The following SHANK1 variants were observed in gnomAD, a reference collection of about 807,000 sequenced individuals.
The protein encoded by SHANK1 is SH3 and multiple ankyrin repeat domains 1, also known as SH3 and multiple ankyrin repeat domains protein 1.
SHANK1 carries 35 observed loss-of-function variants against 165.6 expected under a neutral mutation model. The observed-to-expected ratio is 0.21, with a 90% CI of 0.16 to 0.28. SHANK1 has a LOEUF of 0.28. Among genes scored for constraint, SHANK1 ranks in the 10% least tolerant of loss-of-function variants. SHANK1 has a pLI of 1.00. For synonymous variants in SHANK1, 1,428 were observed against 1,384.8 expected (o/e 1.03, Z -0.69); for missense variants, 2,681 against 3,036.4 (o/e 0.88, Z 2.75).
chr19:50,689,534 C>T, intron 15 of SHANK1: 1 of 625,828 alleles, frequency 1.6e-6, no homozygotes, highest in Non-Finnish European at 2.8e-6. Flanking sequence ...ATCCACCCAT[C>T]CATTCAGCAC....
rs1251224153 is a variant in SHANK1, at chr19:50,666,183, C to T, written c.5768+9G>A. The T allele has an allele frequency of 5.7e-6, 9 of 1,573,756 alleles. No individual in the cohort carries two copies. The highest frequency in any genetic ancestry group is 1.3e-5 in the African/African-American group (1 of 74,192). ...TGGCCTCCCTTGTTGGCCACCAGCC[C>T]CCGCTTACCTCTGCCGCTGCAGGGA... On this transcript the variant is annotated intron_variant, in intron 23 of 23. Transcript: ENST00000293441.
At chr19:50,675,671 G>A (rs77375582) in intron 21 of SHANK1, among the ~76,000 whole-genome samples, 12,859 of 152,200 alleles carry the variant, frequency 0.084, 746 homozygotes, top group African/African-American at 0.15. Context: ...TGGTCAGATG[G>A]AGGTAAGAGG....
rs1599856814 is a variant in SHANK1, at chr19:50,689,507, C to CATCCA, written c.1965-233_1965-229dup. 20 of 669,982 alleles carry CATCCA rather than the reference C, an allele frequency of 3.0e-5. No homozygotes were observed. In the East Asian group the frequency reaches 5.1e-4, roughly 17 times the overall value. 41.5% of individuals were successfully genotyped at this position (669,982 alleles called of 1,614,324 possible). A position where few individuals can be genotyped will look rare whatever the true frequency, so the allele number is the denominator to read the frequency against. On this transcript the variant is annotated intron_variant, in intron 15 of 23. Transcript: ENST00000293441. ...CTCTCTCACTCCCTCTCTCCTCATT[C>CATCCA]ATCCATCCATGCATCCATCCACCCA...
At chr19:50,678,790 GA>G (rs1268399003) in intron 21 of SHANK1, among the ~76,000 whole-genome samples, 9 of 20,526 alleles carry the variant, frequency 4.4e-4, no homozygotes, top group African/African-American at 7.1e-4. Context: ...GGGTCAGGGT[GA>G]TGGGGAGGGG....
Position 50,702,861 on chromosome 19 carries a change from C to T in SHANK1, c.1554-201G>A, listed in dbSNP as rs1048838308. ...CTGCCCCAACCAGCCCCCTCTCCTG[C>T]CTCCTGGCTTCCGGCTCTGCCCCCT... On this transcript the variant is annotated intron_variant, in intron 11 of 23. Transcript: ENST00000293441. This position sits in a 1 kb window ranked among gnomAD's most constrained non-coding sequence, Gnocchi z 5.3. 2.0e-4 allele frequency among the ~76,000 whole-genome samples: 30 copies of T among 152,236 alleles called. 1 individual carries two copies. Among genetic ancestry groups the T allele is most frequent in the Admixed American group, 1.4e-3 (22 of 15,306 alleles).
chr19:50,667,568 C>A lies in SHANK1; in HGVS notation c.4392G>T (p.Thr1464=), dbSNP rs757882901. 7.6e-6 allele frequency: 11 copies of A among 1,447,616 alleles called. No homozygotes were observed. Among genetic ancestry groups the A allele is most frequent in the Non-Finnish European group, 9.0e-6 (10 of 1,111,798 alleles). The allele number at this position is 1,447,616 out of a possible 1,614,324, so 89.7% of individuals were successfully genotyped here. A position where few individuals can be genotyped will look rare whatever the true frequency, so the allele number is the denominator to read the frequency against. Residue 1464 remains threonine (T), a synonymous_variant, in exon 23 of 24, where the codon ACG becomes ACT. Transcript: ENST00000293441. The surrounding 1 kb of genome is among the most constrained non-coding windows in gnomAD (Gnocchi z 5.7). ...CTCCGGGGTGCGGGGCCGGGGGCTC[C>A]GTCCCCAGCTGCAGCAGGAGGGGCC... ...GVGPLLLQLG[T]EPPAPHPGVS... is the part of the protein sequence containing the mutation.
At position 50,676,775 on chromosome 19, in the gene SHANK1, C is replaced by T. The variant is rs187517178; in HGVS notation, c.2578-4661G>A. Among the ~76,000 whole-genome samples, 153 of 152,240 alleles carry T rather than the reference C, an allele frequency of 1.0e-3. 2 individuals are homozygous for T. The highest frequency in any genetic ancestry group is 1.6e-3 in the Admixed American group (24 of 15,296). On this transcript the variant is annotated intron_variant, in intron 21 of 23. Transcript: ENST00000293441. ...AAGAAAATGCCAATCTTATTTGGCA[C>T]CTTTTGAGAGACTACACTTCCCAGC...
chr19:50,662,519 TGGAGGA>T lies in SHANK1; in HGVS notation c.5926_5931del (p.Ser1976_Ser1977del). 1 of 1,557,340 alleles carries T rather than the reference TGGAGGA, an allele frequency of 6.4e-7. No individual in the cohort carries two copies. Among genetic ancestry groups the T allele is most frequent in the Non-Finnish European group, 8.7e-7 (1 of 1,150,694 alleles). ...ACGCCCTGGAGGTGGCGGGTGGACG[TGGAGGA>T]GGAGGAGGCTGAGGGTGAGGTGGCC... On this transcript the variant is annotated inframe_deletion, in exon 24 of 24. Coordinates refer to ENST00000293441, the MANE Select transcript of SHANK1 (RefSeq NM_016148.5). The surrounding 1 kb of genome is among the most constrained non-coding windows in gnomAD (Gnocchi z 7.7).
chr19:50,676,154 T>C (rs1017990289), intron 21 of SHANK1, among the ~76,000 whole-genome samples: 1 of 151,466 alleles, frequency 6.6e-6, no homozygotes, highest in South Asian at 2.1e-4. Context: ...TTTTTTTTAA[T>C]TAGTGGTGCA....
Position 50,719,559 on chromosome 19 carries a change from G to T in SHANK1, c.-197C>A, listed in dbSNP as rs1430072179. On this transcript the variant is annotated 5_prime_UTR_variant, in exon 1 of 24. Transcript: ENST00000293441. ...CGGGGAGGGGGCGGGCGGGGACCGG[G>T]GGGGAGGGCGGGAGGGCCGAGGACC... 1 of 146,128 alleles carries T rather than the reference G, an allele frequency of 6.8e-6. No homozygotes were observed. Among genetic ancestry groups the T allele is most frequent in the Non-Finnish European group, 1.5e-5 (1 of 65,348 alleles). 9.1% of individuals were successfully genotyped at this position (146,128 alleles called of 1,614,324 possible).
chr19:50,661,949 C>T lies in SHANK1; in HGVS notation c.*16G>A. ...CAAGAGTTCTGTGGACGGGGCTGGTCCGTCCAGGCCAGCCATCACCTCTCC... is the reference window on the plus strand; with the variant it reads ...CAAGAGTTCTGTGGACGGGGCTGGTTCGTCCAGGCCAGCCATCACCTCTCC... On this transcript the variant is annotated 3_prime_UTR_variant, in exon 24 of 24. Coordinates refer to ENST00000293441, the MANE Select transcript of SHANK1 (RefSeq NM_016148.5). The T allele has an allele frequency of 4.3e-6, 7 of 1,612,838 alleles. No homozygotes were observed. The highest frequency in any genetic ancestry group is 5.9e-6 in the Non-Finnish European group (7 of 1,179,854).
rs889234196 is a variant in SHANK1 at position 50,686,923 on chromosome 19, G to C, written c.2390-111C>G. The stretch of plus-strand genomic sequence containing the variant: ...GCGGGCCAGTGGGCGTGGCGGGCGC[G>C]AGAGGGGCAGTGAGGGGCCGGGGTC... On this transcript the variant is annotated intron_variant, in intron 19 of 23. Transcript: ENST00000293441. This position sits in a 1 kb window ranked among gnomAD's most constrained non-coding sequence, Gnocchi z 5.7. 9 of 1,409,194 alleles carry C rather than the reference G, an allele frequency of 6.4e-6. No homozygotes were observed. The Admixed American group carries it at 7.4e-5, about 12-fold the overall frequency. The allele number at this position is 1,409,194 out of a possible 1,614,324, so 87.3% of individuals were successfully genotyped here. A position where few individuals can be genotyped will look rare whatever the true frequency, so the allele number is the denominator to read the frequency against.
intron 21 of SHANK1, among the ~76,000 whole-genome samples, chr19:50,673,742 G>GA (rs975374811): frequency 6.6e-6 from 1 of 151,392 alleles, no homozygotes; most frequent in Non-Finnish European, 1.5e-5. Flanking sequence ...AGAAGTGAAA[G>GA]AAAAAAAGAA....
chr19:50,662,487 G>A lies in SHANK1; in HGVS notation c.5964C>T (p.Phe1988=), dbSNP rs777411128. ...GGCGGAGCAGAGGGGGCCGCATCTC[G>A]AACTCCACGCCCTGGAGGTGGCGGG... ...TSTRHLQGVE[F]EMRPPLLRRA... is the part of the protein sequence containing the mutation. The change falls in exon 24 of 24, where the codon TTC becomes TTT. Residue 1988 remains phenylalanine, a synonymous_variant. Transcript: ENST00000293441. This position sits in a 1 kb window ranked among gnomAD's most constrained non-coding sequence, Gnocchi z 7.7. 5.0e-5 allele frequency: 78 copies of A among 1,555,826 alleles called. No homozygotes were observed. The South Asian group carries it at 6.2e-4, about 12-fold the overall frequency.
Position 50,713,546 on chromosome 19 carries a change from C to T in SHANK1, c.792+252G>A, listed in dbSNP as rs544086008. On this transcript the variant is annotated intron_variant, in intron 6 of 23. Transcript: ENST00000293441. This position sits in a 1 kb window ranked among gnomAD's most constrained non-coding sequence, Gnocchi z 6.2. ...TAAGCTGGGCCACAGGGGATGGAGACGTTCTGGGTGTTTAGGGGAGGAGGC... is the reference window on the plus strand; with the variant it reads ...TAAGCTGGGCCACAGGGGATGGAGATGTTCTGGGTGTTTAGGGGAGGAGGC... Among the ~76,000 whole-genome samples the T allele has an allele frequency of 6.6e-6, 1 of 151,994 alleles. No homozygotes were observed. The highest frequency in any genetic ancestry group is 2.4e-5 in the African/African-American group (1 of 41,408).
In SHANK1 at chr19:50,718,645, A is replaced by C. The variant is rs2089096127; in HGVS notation, c.-44+761T>G. Among the ~76,000 whole-genome samples the C allele has an allele frequency of 6.8e-6, 1 of 147,344 alleles. No homozygotes were observed. The highest frequency in any genetic ancestry group is 2.5e-5 in the African/African-American group (1 of 39,592). ...GGCGAGGGGGGTGGTGGAGGACGCGAGAGAGGGGGTGCCCTGGGAGGCTGT... is the reference window on the plus strand; with the variant it reads ...GGCGAGGGGGGTGGTGGAGGACGCGCGAGAGGGGGTGCCCTGGGAGGCTGT... On this transcript the variant is annotated intron_variant, in intron 1 of 23. Transcript: ENST00000293441. The surrounding 1 kb of genome is among the most constrained non-coding windows in gnomAD (Gnocchi z 5.1).
chr19:50,703,416 T>C, intron 11 of SHANK1, 84 bp downstream of exon 11: 2 of 1,195,400 alleles, frequency 1.7e-6, no homozygotes, highest in Non-Finnish European at 2.3e-6. Flanking sequence ...GGAAGGCAGC[T>C]GGGCTGGCCT....
At chr19:50,704,237 G>T (rs375978974) in intron 9 of SHANK1, 51 bp from the exon 10 acceptor site, 269 of 1,573,418 alleles carry the variant, frequency 1.7e-4, no homozygotes, top group Admixed American at 2.5e-4. Flanking sequence ...AGGCAGCAGA[G>T]AGAGGGCAGG....
intron 21 of SHANK1, among the ~76,000 whole-genome samples, chr19:50,679,408 C>T (rs1986099571): frequency 6.6e-6 from 1 of 152,038 alleles, no homozygotes; most frequent in Admixed American, 6.5e-5. Context: ...TAAGAAGGGT[C>T]AGGGTGACAG....
Sources: gnomAD v4.1 joint callset for allele counts (sites outside exome capture counted in the v4.1 genomes callset) on GRCh38, gnomAD v4.1.1 for gene constraint, Gnocchi (gnomAD v3.1) non-coding constraint, MANE v1.5 for transcripts, NCBI Gene and HGNC (gene_info 2026-07-23, HGNC 2026-07-21) for gene names.